ABTB3: variants seen among roughly 807,000 people sequenced by gnomAD.
ABTB3 encodes the protein ankyrin repeat- and BTB/POZ domain-containing protein 3.
At chr12:107,379,051 G>T in the ABTB3 span, among the ~76,000 whole-genome samples, 1 of 152,206 alleles carries the variant, frequency 6.6e-6, no homozygotes, top group Non-Finnish European at 1.5e-5. Context: ...GACTTACCAT[G>T]TACCTGCTGA....
the ABTB3 span, among the ~76,000 whole-genome samples, chr12:107,556,049 T>C: frequency 1.3e-5 from 2 of 152,170 alleles, no homozygotes; most frequent in Non-Finnish European, 2.9e-5. Flanking sequence ...CTAAGTGCCT[T>C]AGCTCATTGA....
the ABTB3 span, among the ~76,000 whole-genome samples, chr12:107,353,258 G>T: frequency 3.4e-5 from 5 of 148,292 alleles, no homozygotes; most frequent in Admixed American, 6.7e-5. Flanking sequence ...CCAGCATGGT[G>T]GGGGGGAGAT....
At chr12:107,587,198 G>T in the ABTB3 span, among the ~76,000 whole-genome samples, 12 of 152,208 alleles carry the variant, frequency 7.9e-5, no homozygotes, top group African/African-American at 1.2e-4. Context: ...TTTATGCTAC[G>T]CAAAAGAACT....
At chr12:107,594,415 G>T in the ABTB3 span, among the ~76,000 whole-genome samples, 3 of 152,146 alleles carry the variant, frequency 2.0e-5, no homozygotes, top group Non-Finnish European at 4.4e-5. Flanking sequence ...TAATGAGCTG[G>T]TTCTTTTCTG....
chr12:107,635,268 CTCTT>C, the ABTB3 span: 1 of 1,611,230 alleles, frequency 6.2e-7, no homozygotes, highest in Non-Finnish European at 8.5e-7. Flanking sequence ...TCATGACCTC[CTCTT>C]TCTTTTCTGC....
chr12:107,518,056 G>A, the ABTB3 span, among the ~76,000 whole-genome samples: 6 of 152,206 alleles, frequency 3.9e-5, no homozygotes, highest in Non-Finnish European at 8.8e-5. Flanking sequence ...CGAAACCACA[G>A]TGGGATACCA....
chr12:107,571,761 C>A, the ABTB3 span, among the ~76,000 whole-genome samples: 15,771 of 152,278 alleles, frequency 0.1, 1,142 homozygotes, highest in East Asian at 0.25. Context: ...GCCACAGAGG[C>A]CTCTGCCTTC....
At chr12:107,642,105 C>T in the ABTB3 span, 1 of 1,614,014 alleles carries the variant, frequency 6.2e-7, no homozygotes. Flanking sequence ...AAGCACTCCT[C>T]TCCAGCAAGC....
the ABTB3 span, chr12:107,635,412 G>T: frequency 6.2e-7 from 1 of 1,601,980 alleles, no homozygotes; most frequent in African/African-American, 1.3e-5. Context: ...CCCCAGGCCT[G>T]TGTTGGCTGC....
chr12:107,359,030 C>T, the ABTB3 span, among the ~76,000 whole-genome samples: 1 of 152,226 alleles, frequency 6.6e-6, no homozygotes, highest in East Asian at 1.9e-4. Context: ...AGGTTGCGGG[C>T]AGCAGCAGGT....
the ABTB3 span, among the ~76,000 whole-genome samples, chr12:107,370,654 C>A: frequency 6.6e-6 from 1 of 151,914 alleles, no homozygotes; most frequent in Non-Finnish European, 1.5e-5. Flanking sequence ...ACTGGGTGGC[C>A]TGGTGGGGCT....
chr12:107,325,380 A>T, the ABTB3 span, among the ~76,000 whole-genome samples: 1 of 152,224 alleles, frequency 6.6e-6, no homozygotes, highest in South Asian at 2.1e-4. Context: ...TAAGAGGAAC[A>T]ACAAATGCTA....
the ABTB3 span, chr12:107,614,993 T>A: frequency 8.1e-6 from 11 of 1,352,362 alleles, no homozygotes; most frequent in African/African-American, 1.6e-4. Context: ...CAGCCACAGA[T>A]ACGTCAAATT....
At chr12:107,348,007 G>C in the ABTB3 span, among the ~76,000 whole-genome samples, 2 of 152,062 alleles carry the variant, frequency 1.3e-5, no homozygotes, top group Non-Finnish European at 2.9e-5. Context: ...GGCTTCAAAA[G>C]AAAGAGCAAC....
chr12:107,381,224 G>C, the ABTB3 span, among the ~76,000 whole-genome samples: 6 of 152,220 alleles, frequency 3.9e-5, no homozygotes, highest in African/African-American at 1.4e-4. Flanking sequence ...ACTTGGGTTT[G>C]CCCACTACTG....
At chr12:107,431,885 C>T in the ABTB3 span, among the ~76,000 whole-genome samples, 10 of 152,194 alleles carry the variant, frequency 6.6e-5, no homozygotes, top group East Asian at 3.9e-4. Flanking sequence ...TCTGAGGCCC[C>T]GGCCTGGCCC....
chr12:107,360,957 A>T, the ABTB3 span, among the ~76,000 whole-genome samples: 1 of 8,474 alleles, frequency 1.2e-4, no homozygotes. Flanking sequence ...TTTTTTGTAG[A>T]AACAGGATTT....
At chr12:107,389,866 G>GTGTGTGTGTT in the ABTB3 span, among the ~76,000 whole-genome samples, 180 of 150,276 alleles carry the variant, frequency 1.2e-3, no homozygotes, top group Middle Eastern at 3.4e-3. Flanking sequence ...GTGTGTGTGT[G>GTGTGTGTGTT]TGTGTGTGTG....
chr12:107,561,283 A>C, the ABTB3 span, among the ~76,000 whole-genome samples: 1 of 152,196 alleles, frequency 6.6e-6, no homozygotes, highest in Non-Finnish European at 1.5e-5. Context: ...AGGAAACTAA[A>C]GACCAACTTG....
Sources: gnomAD v4.1 joint callset for allele counts (sites outside exome capture counted in the v4.1 genomes callset) on GRCh38, gnomAD v4.1.1 for gene constraint, MANE v1.5 for transcripts, NCBI Gene and HGNC (gene_info 2026-07-23, HGNC 2026-07-21) for gene names.